Variants in MIER2 observed in about 807,000 individuals in gnomAD.
MIER2 encodes MIER family member 2.
MIER2 carries 30 observed loss-of-function variants against 67.6 expected under a neutral mutation model. The ratio of observed to expected loss-of-function variants is 0.44; its 90% confidence interval spans 0.33 to 0.60. The LOEUF (loss-of-function observed/expected upper bound fraction) is 0.60. Ranked by LOEUF, MIER2 falls within the 20% of genes least tolerant of loss-of-function variation. The pLI, the probability that MIER2 is intolerant of heterozygous loss-of-function variation, is 0.02. For missense variants in MIER2, 702 were observed against 745.1 expected (o/e 0.94, Z 0.67); for synonymous variants, 372 against 312.6 (o/e 1.19, Z -2.00).
chr19:311,856 G>A lies in MIER2; in HGVS notation c.973C>T (p.Gln325Ter), dbSNP rs1439032108. ...RVHGKNFHLI[Q>*]ANKVRTRSVG... ...AGTGGAGTCCGCACCTTGTTGGCCT[G>A]GATCAGGTGAAAGTTCTTTCCATGC... Residue 325 changes from glutamine (Q) to a stop codon, truncating the protein, a stop_gained, in exon 10 of 14, where the codon CAG (glutamine) becomes TAG (stop). Coordinates refer to ENST00000264819, the MANE Select transcript of MIER2 (RefSeq NM_017550.3). LOFTEE classifies it high-confidence loss of function. The A allele has an allele frequency of 6.2e-7, 1 of 1,614,044 alleles. No homozygotes were observed.
intron 7 of MIER2, among the ~76,000 whole-genome samples, chr19:320,097 G>A (rs57182120): frequency 0.087 from 13,179 of 152,170 alleles, 1,077 homozygotes; most frequent in East Asian, 0.44. Flanking sequence ...ACTGCAGGCC[G>A]GGTGCAGTGG....
rs1970926448 is a variant in MIER2 at position 310,587 on chromosome 19, CTGCAGAAACACAGCCG to C, written c.984+1242_984+1257del. The stretch of plus-strand genomic sequence containing the variant: ...GGAGCTATAGAAACACGGCCGGGAG[CTGCAGAAACACAGCCG>C]GGAGCTATAGAAACACAGCCCGGAG... On this transcript the variant is annotated intron_variant, in intron 10 of 13. Coordinates refer to ENST00000264819, the MANE Select transcript of MIER2 (RefSeq NM_017550.3). Among the ~76,000 whole-genome samples the C allele has an allele frequency of 1.2e-4, 18 of 150,572 alleles. 1 individual carries two copies. Among genetic ancestry groups the C allele is most frequent in the Middle Eastern group, 6.9e-3 (2 of 288 alleles).
chr19:316,063 AC>A (rs1971222882), intron 7 of MIER2, among the ~76,000 whole-genome samples: 1 of 152,214 alleles, frequency 6.6e-6, no homozygotes, highest in South Asian at 2.1e-4. Flanking sequence ...GAAAGAAAAC[AC>A]CCTGCAAACC....
At chr19:323,050 C>G (rs1339684473) in intron 7 of MIER2, among the ~76,000 whole-genome samples, 10 of 152,050 alleles carry the variant, frequency 6.6e-5, no homozygotes, top group Admixed American at 6.6e-4. Context: ...ACAGACAACT[C>G]AAATGACAGA....
chr19:336,310 G>C, intron 1 of MIER2, 137 bp from the exon 2 acceptor site: 1 of 675,188 alleles, frequency 1.5e-6, no homozygotes, highest in Non-Finnish European at 2.5e-6. Context: ...CTCCGCCTCT[G>C]AGGGCTGGGG....
intron 5 of MIER2, chr19:326,813 G>C (rs915136843): frequency 5.1e-6 from 3 of 588,534 alleles, no homozygotes; most frequent in Non-Finnish European, 9.0e-6. Flanking sequence ...GCACCTCTGG[G>C]CCCCGAGCCC....
chr19:315,054 C>A (rs183736447), intron 7 of MIER2, among the ~76,000 whole-genome samples: 1 of 149,492 alleles, frequency 6.7e-6, no homozygotes, highest in Non-Finnish European at 1.5e-5. Flanking sequence ...CAGAGCAAGA[C>A]CCTGTCTCAG....
At chr19:313,698 A>G (rs1470448817) in intron 7 of MIER2, 55 bp from the exon 8 acceptor site, 2 of 1,572,068 alleles carry the variant, frequency 1.3e-6, no homozygotes, top group Non-Finnish European at 1.7e-6. Context: ...GCACCCACAC[A>G]CGCCAGGACA....
intron 3 of MIER2, among the ~76,000 whole-genome samples, chr19:329,036 A>T (rs957219958): frequency 2.6e-5 from 4 of 152,150 alleles, no homozygotes; most frequent in African/African-American, 7.2e-5. Flanking sequence ...GTGAGCCTCT[A>T]TTCCACAGAG....
intron 6 of MIER2, 31 bp from the exon 7 acceptor site, chr19:325,735 C>A: frequency 6.2e-7 from 1 of 1,613,728 alleles, no homozygotes; most frequent in Non-Finnish European, 8.5e-7. Context: ...AATCAGGACA[C>A]TGAGGAGCAT....
At position 308,525 on chromosome 19, in the gene MIER2, G is replaced by T; in HGVS notation, c.1198+52C>A. 1 of 1,518,672 alleles carries T rather than the reference G, an allele frequency of 6.6e-7. No individual in the cohort carries two copies. The highest frequency in any genetic ancestry group is 8.9e-7 in the Non-Finnish European group (1 of 1,124,296). 94.1% of individuals were successfully genotyped at this position (1,518,672 alleles called of 1,614,324 possible). On this transcript the variant is annotated intron_variant, in intron 12 of 13. Coordinates refer to ENST00000264819, the MANE Select transcript of MIER2 (RefSeq NM_017550.3). This position sits in a 1 kb window ranked among gnomAD's most constrained non-coding sequence, Gnocchi z 9.1. ...AGAGGCTCCACCGGGCCTCACTCACGGCTCCAGACCCGTGGCCGCCCCCAG... is the reference window on the plus strand; with the variant it reads ...AGAGGCTCCACCGGGCCTCACTCACTGCTCCAGACCCGTGGCCGCCCCCAG...
chr19:335,648 G>A (rs983984785), intron 2 of MIER2, among the ~76,000 whole-genome samples: 3 of 152,162 alleles, frequency 2.0e-5, no homozygotes, highest in Non-Finnish European at 4.4e-5. Context: ...GCTGGCAGGC[G>A]GGCATGGGAC....
chr19:341,455 G>C (rs57802554), intron 1 of MIER2, among the ~76,000 whole-genome samples: 14,602 of 152,188 alleles, frequency 0.096, 1,013 homozygotes, highest in African/African-American at 0.18. Context: ...GGGAACGGCA[G>C]AAAGGGCCGC....
intron 7 of MIER2, among the ~76,000 whole-genome samples, chr19:317,862 A>C (rs988383218): frequency 3.3e-5 from 5 of 152,210 alleles, no homozygotes; most frequent in African/African-American, 1.2e-4. Context: ...AAAAATGTAC[A>C]TGGACTAAAA....
rs957451956 is a variant in MIER2 at position 334,463 on chromosome 19, G to A, written c.180C>T (p.Cys60=). The A allele has an allele frequency of 7.4e-6, 12 of 1,614,002 alleles. No individual in the cohort carries two copies. The highest frequency in any genetic ancestry group is 2.2e-5 in the East Asian group (1 of 44,880). The change falls in exon 3 of 14, where the codon TGC becomes TGT. Residue 60 remains cysteine, a synonymous_variant. Coordinates refer to ENST00000264819, the MANE Select transcript of MIER2 (RefSeq NM_017550.3). ...TGTCTGGGCACCTCGAGGCCTCCTC[G>A]CACTCCCCCCTAACACTGTAGTTCT... ...LSQNYSVRGE[C]EEASRCPDKP...
chr19:341,554 C>A (rs1411282489), intron 1 of MIER2, among the ~76,000 whole-genome samples: 1 of 152,158 alleles, frequency 6.6e-6, no homozygotes, highest in Admixed American at 6.5e-5. Context: ...ATACAGACTT[C>A]ATGGATCTTC....
At position 306,631 on chromosome 19, in the gene MIER2, C is replaced by T; in HGVS notation, c.*59G>A. On this transcript the variant is annotated 3_prime_UTR_variant, in exon 14 of 14. Transcript: ENST00000264819. The stretch of plus-strand genomic sequence containing the variant: ...AAGGGGTCAGGAAGACTGACAGAGG[C>T]GGGCCCAGCGGCAGCGCTAAGTCCA... 12 of 1,546,176 alleles carry T rather than the reference C, an allele frequency of 7.8e-6. No homozygotes were observed. The highest frequency in any genetic ancestry group is 2.4e-5 in the East Asian group (1 of 40,862).
At position 308,153 on chromosome 19, in the gene MIER2, G is replaced by A. The variant is rs372974556; in HGVS notation, c.1198+424C>T. 1.3e-5 allele frequency among the ~76,000 whole-genome samples: 2 copies of A among 152,144 alleles called. No individual in the cohort carries two copies. The highest frequency in any genetic ancestry group is 6.5e-5 in the Admixed American group (1 of 15,278). The stretch of plus-strand genomic sequence containing the variant: ...CCACCATCGGACATGGTCCCTACCC[G>A]AGGCCCTGCTGTGCTCCGTCATGGC... On this transcript the variant is annotated intron_variant, in intron 12 of 13. Coordinates refer to ENST00000264819, the MANE Select transcript of MIER2 (RefSeq NM_017550.3). This position sits in a 1 kb window ranked among gnomAD's most constrained non-coding sequence, Gnocchi z 9.1.
chr19:310,620 A>ACG (rs1970936157), intron 10 of MIER2, among the ~76,000 whole-genome samples: 1 of 60,628 alleles, frequency 1.6e-5, no homozygotes, highest in African/African-American at 1.1e-4. Context: ...ATAGAAACAC[A>ACG]GCCCGGAGCT....
Sources: gnomAD v4.1 joint callset for allele counts (sites outside exome capture counted in the v4.1 genomes callset) on GRCh38, gnomAD v4.1.1 for gene constraint, Gnocchi (gnomAD v3.1) non-coding constraint, MANE v1.5 for transcripts, NCBI Gene and HGNC (gene_info 2026-07-23, HGNC 2026-07-21) for gene names.